RMDN1: variants seen among roughly 807,000 people sequenced by gnomAD.
RMDN1 encodes regulator of microtubule dynamics 1.
A neutral mutation model predicts 48.9 loss-of-function variants in RMDN1; 48 were observed. The observed-to-expected ratio is 0.98, with a 90% CI of 0.78 to 1.25. The LOEUF (loss-of-function observed/expected upper bound fraction) is 1.25. RMDN1 is among the 50% of genes most tolerant of loss of function. The pLI is 0.00. For synonymous variants in RMDN1, 148 were observed against 132.6 expected, an observed-to-expected ratio of 1.12 and a Z score of -0.80; for missense variants, 418 against 373.4, an observed-to-expected ratio of 1.12 and a Z score of -0.98.
intron 2 of RMDN1, among the ~76,000 whole-genome samples, chr8:86,502,224 AT>A (rs908627921): frequency 6.1e-4 from 92 of 151,538 alleles, no homozygotes; most frequent in African/African-American, 2.0e-3. Flanking sequence ...GGTTTAACTA[AT>A]TTTTTTTTAA....
chr8:86,476,275 T>TG (rs1459565695), intron 8 of RMDN1, among the ~76,000 whole-genome samples: 1 of 152,210 alleles, frequency 6.6e-6, no homozygotes, highest in Non-Finnish European at 1.5e-5. Context: ...TGAAACAGTA[T>TG]GATCAAGAGA....
chr8:86,503,390 C>CAAAAAAAAAACAAAACAAAACA (rs1405705068), intron 2 of RMDN1, among the ~76,000 whole-genome samples: 2 of 56,588 alleles, frequency 3.5e-5, no homozygotes, highest in African/African-American at 6.6e-5. Flanking sequence ...AAAAAAAAAA[C>CAAAAAAAAAACAAAACAAAACA]AAAAAAAAAT....
intron 3 of RMDN1, among the ~76,000 whole-genome samples, chr8:86,487,088 C>T (rs1197676500): frequency 6.6e-6 from 1 of 152,208 alleles, no homozygotes; most frequent in Non-Finnish European, 1.5e-5. Context: ...GTCTCAAATA[C>T]AGCACCTGAC....
chr8:86,496,567 A>G (rs1817380118), intron 2 of RMDN1, among the ~76,000 whole-genome samples: 1 of 152,246 alleles, frequency 6.6e-6, no homozygotes, highest in African/African-American at 2.4e-5. Context: ...CACAAGGATA[A>G]AGAGTTCAAT....
chr8:86,503,848 T>C, intron 2 of RMDN1: 1 of 599,760 alleles, frequency 1.7e-6, no homozygotes, highest in Non-Finnish European at 3.2e-6. Flanking sequence ...TTTTGACAGG[T>C]GCAATTCAAT....
At chr8:86,508,864 C>T (rs1259946924), upstream of RMDN1, 3 of 1,156,740 alleles carry the variant, frequency 2.6e-6, no homozygotes, top group Non-Finnish European at 3.2e-6. Context: ...AGGACTGAGG[C>T]CGTGAGAGCG....
chr8:86,473,330 CAAGT>C lies in RMDN1; in HGVS notation c.*974_*977del, dbSNP rs1463956710. 3.7e-5 allele frequency: 36 copies of C among 985,304 alleles called. No homozygotes were observed. The highest frequency in any genetic ancestry group is 3.9e-5 in the Non-Finnish European group (32 of 829,924). The allele number at this position is 985,304 out of a possible 1,614,324, so 61.0% of individuals were successfully genotyped here. On this transcript the variant is annotated 3_prime_UTR_variant, in exon 10 of 10. Transcript: ENST00000406452. ...TTTTGCAGTGGTGGCACTCCAGCCT[CAAGT>C]GAGTAGCATAGTCCTGCCTATTTAA... is the stretch of plus-strand genomic sequence containing the variant.
chr8:86,482,190 T>G, intron 5 of RMDN1: 1 of 415,150 alleles, frequency 2.4e-6, no homozygotes, highest in Non-Finnish European at 4.4e-6. Flanking sequence ...TCACTTGAGG[T>G]CAGGAGTTTG....
At chr8:86,497,399 G>C (rs1021787643) in intron 2 of RMDN1, among the ~76,000 whole-genome samples, 2 of 152,160 alleles carry the variant, frequency 1.3e-5, no homozygotes, top group Admixed American at 6.5e-5. Context: ...CTGCCAGCTG[G>C]ATTAATCAAG....
At chr8:86,495,286 G>A (rs1386840319) in intron 2 of RMDN1, among the ~76,000 whole-genome samples, 1 of 152,128 alleles carries the variant, frequency 6.6e-6, no homozygotes. Context: ...AAGTGAAACT[G>A]GTGTGGAGTG....
In RMDN1 at chr8:86,499,090, A is replaced by G. The variant is rs1817815662; in HGVS notation, c.247+7905T>C. On this transcript the variant is annotated intron_variant, in intron 2 of 9. Coordinates refer to ENST00000406452, the MANE Select transcript of RMDN1 (RefSeq NM_016033.3). Reference sequence around the variant, plus strand: ...CACCTCAAAATAATAAGAGCTATCTATGACAAACCCACAGCCAACAACTGA... The same window carrying G: ...CACCTCAAAATAATAAGAGCTATCTGTGACAAACCCACAGCCAACAACTGA... 3.3e-5 allele frequency among the ~76,000 whole-genome samples: 5 copies of G among 152,334 alleles called. No homozygotes were observed. The South Asian group carries it at 1.0e-3, about 32-fold the overall frequency.
At chr8:86,506,969 G>T in intron 2 of RMDN1, 26 bp downstream of exon 2, 1 of 1,228,918 alleles carries the variant, frequency 8.1e-7, no homozygotes, top group Non-Finnish European at 1.2e-6. Flanking sequence ...AACTCTAAAT[G>T]TTCCATATAT....
chr8:86,493,205 A>C (rs974183937), intron 2 of RMDN1, among the ~76,000 whole-genome samples: 2 of 152,210 alleles, frequency 1.3e-5, no homozygotes, highest in African/African-American at 4.8e-5. Flanking sequence ...ACTAATTATA[A>C]AGTGATTTTT....
At chr8:86,508,413 C>T (rs1053423972) in intron 1 of RMDN1, 79 bp downstream of exon 1, 2 of 1,429,198 alleles carry the variant, frequency 1.4e-6, no homozygotes, top group Non-Finnish European at 1.9e-6. Context: ...CAGCGCGGGG[C>T]CGCCACCACT....
intron 7 of RMDN1, 67 bp downstream of exon 7, chr8:86,478,856 G>A: frequency 8.1e-7 from 1 of 1,232,200 alleles, no homozygotes; most frequent in Non-Finnish European, 1.2e-6. Context: ...CCACATGTGT[G>A]AACACATGGT....
chr8:86,506,296 T>C (rs1251468722), intron 2 of RMDN1, among the ~76,000 whole-genome samples: 2 of 152,378 alleles, frequency 1.3e-5, no homozygotes, highest in East Asian at 1.9e-4. Context: ...AGAATGTTTA[T>C]AGCTAACTTG....
chr8:86,474,434 T>C (rs1426714197), intron 9 of RMDN1, 76 bp from the exon 10 acceptor site: 1 of 1,283,348 alleles, frequency 7.8e-7, no homozygotes, highest in African/African-American at 1.5e-5. Flanking sequence ...GTTTATAAAG[T>C]GGGGTTTCTA....
intron 2 of RMDN1, among the ~76,000 whole-genome samples, chr8:86,492,834 G>A (rs1816730532): frequency 6.6e-6 from 1 of 151,708 alleles, no homozygotes; most frequent in Non-Finnish European, 1.5e-5. Context: ...TGATATTTAT[G>A]CCCTTAAACT....
intron 2 of RMDN1, among the ~76,000 whole-genome samples, chr8:86,505,730 G>C (rs1467508437): frequency 6.6e-6 from 1 of 152,178 alleles, no homozygotes; most frequent in East Asian, 1.9e-4. Flanking sequence ...AGGTTATACA[G>C]TAGAAGATTT....
Sources: allele counts gnomAD v4.1 joint callset (sites outside exome capture counted in the v4.1 genomes callset), GRCh38; gene constraint gnomAD v4.1.1; transcripts MANE v1.5; gene names NCBI Gene and HGNC (gene_info 2026-07-23, HGNC 2026-07-21).